JPH1: variants seen among roughly 807,000 people sequenced by gnomAD.
JPH1 encodes junctophilin-1.
JPH1 carries 12 observed loss-of-function variants against 53.6 expected under a neutral mutation model. That is an observed-to-expected ratio of 0.22 (90% CI 0.14 to 0.36). The LOEUF is 0.36. JPH1 is among the 10% of genes least tolerant of loss of function. JPH1 has a pLI of 1.00. For missense variants in JPH1, 808 were observed against 905.5 expected (o/e 0.89, Z 1.38); for synonymous variants, 375 against 363.8 (o/e 1.03, Z -0.35).
At chr8:74,300,977 A>G (rs1807665287) in intron 2 of JPH1, among the ~76,000 whole-genome samples, 1 of 152,066 alleles carries the variant, frequency 6.6e-6, no homozygotes, top group Non-Finnish European at 1.5e-5. Context: ...GGAATGAATC[A>G]CTACATTTTC....
Position 74,292,768 on chromosome 8 carries a change from G to C in JPH1, c.1139+22093C>G, listed in dbSNP as rs138990921. Among the ~76,000 whole-genome samples, 17 of 152,236 alleles carry C rather than the reference G, an allele frequency of 1.1e-4. No individual in the cohort carries two copies. In the East Asian group the frequency reaches 3.3e-3, roughly 29 times the overall value. ...GAACAGGTTGATCAAAGCCATATGAGGTAGCAACACAGAAATGTAGATGTG... is the reference window on the plus strand; with the variant it reads ...GAACAGGTTGATCAAAGCCATATGACGTAGCAACACAGAAATGTAGATGTG... On this transcript the variant is annotated intron_variant, in intron 2 of 5. Coordinates refer to ENST00000342232, the MANE Select transcript of JPH1 (RefSeq NM_020647.4).
At chr8:74,310,066 G>A (rs2131458477) in intron 2 of JPH1, among the ~76,000 whole-genome samples, 1 of 152,216 alleles carries the variant, frequency 6.6e-6, no homozygotes, top group African/African-American at 2.4e-5. Context: ...GGTACACACT[G>A]ACAAAGGAAA....
At chr8:74,253,996 C>T (rs1806144791) in intron 3 of JPH1, among the ~76,000 whole-genome samples, 1 of 152,084 alleles carries the variant, frequency 6.6e-6, no homozygotes, top group Admixed American at 6.5e-5. Context: ...CCTTCTGAAA[C>T]CATTCCAATC....
chr8:74,293,022 A>C (rs976129683), intron 2 of JPH1, among the ~76,000 whole-genome samples: 6 of 152,188 alleles, frequency 3.9e-5, no homozygotes, highest in African/African-American at 1.2e-4. Flanking sequence ...TGGGAACGTC[A>C]AACAGAGGTG....
chr8:74,266,853 G>C (rs1025667815), intron 2 of JPH1, among the ~76,000 whole-genome samples: 5 of 152,180 alleles, frequency 3.3e-5, no homozygotes, highest in African/African-American at 1.2e-4. Flanking sequence ...GAATCTAATA[G>C]AGGAAACAGC....
At chr8:74,298,116 C>T (rs901023322) in intron 2 of JPH1, among the ~76,000 whole-genome samples, 11 of 152,164 alleles carry the variant, frequency 7.2e-5, no homozygotes, top group Non-Finnish European at 1.2e-4. Context: ...TTCATATCCT[C>T]GGGAAGCTGC....
In JPH1 at chr8:74,244,833, C is replaced by CA; in HGVS notation, c.1600_1601insT (p.Gly534ValfsTer10). 1 of 1,614,114 alleles carries CA rather than the reference C, an allele frequency of 6.2e-7. No homozygotes were observed. The highest frequency in any genetic ancestry group is 2.2e-5 in the East Asian group (1 of 44,886). On this transcript the variant is annotated frameshift_variant, in exon 4 of 6. Transcript: ENST00000342232. LOFTEE classifies it high-confidence loss of function. ...ACTGGGGTTGGGGATGTGGTGGCGG[C>CA]CAGAGTACTTGGACTGGGGCACAAC...
At chr8:74,267,001 C>T (rs183747989) in intron 2 of JPH1, among the ~76,000 whole-genome samples, 10 of 152,172 alleles carry the variant, frequency 6.6e-5, no homozygotes, top group East Asian at 3.9e-4. Flanking sequence ...CAAATATTAG[C>T]GGATGAATAA....
At chr8:74,251,669 C>T (rs1563396191) in intron 3 of JPH1, among the ~76,000 whole-genome samples, 1 of 151,932 alleles carries the variant, frequency 6.6e-6, no homozygotes, top group Non-Finnish European at 1.5e-5. Flanking sequence ...TACTAGCAAC[C>T]TTTTTTTCTA....
intron 3 of JPH1, among the ~76,000 whole-genome samples, chr8:74,255,742 G>C (rs1409906581): frequency 6.6e-6 from 1 of 152,150 alleles, no homozygotes; most frequent in African/African-American, 2.4e-5. Context: ...GATATGAACA[G>C]ACACTTCTCA....
chr8:74,296,614 T>G (rs530640764), intron 2 of JPH1, among the ~76,000 whole-genome samples: 70 of 152,330 alleles, frequency 4.6e-4, no homozygotes, highest in African/African-American at 1.6e-3. Context: ...AATCCAGTTA[T>G]GCAAAGCCTA....
chr8:74,288,322 G>A (rs1314854793), intron 2 of JPH1, among the ~76,000 whole-genome samples: 1 of 152,130 alleles, frequency 6.6e-6, no homozygotes, highest in African/African-American at 2.4e-5. Context: ...CTTGCAATTG[G>A]CTGTGTACTT....
intron 3 of JPH1, among the ~76,000 whole-genome samples, chr8:74,247,618 G>T (rs1360145890): frequency 6.6e-6 from 1 of 152,102 alleles, no homozygotes; most frequent in Admixed American, 6.6e-5. Flanking sequence ...TCTCAAAGTT[G>T]GAGGGAAAAG....
intron 2 of JPH1, among the ~76,000 whole-genome samples, chr8:74,304,827 G>A (rs1176592279): frequency 1.3e-5 from 2 of 152,200 alleles, no homozygotes; most frequent in Non-Finnish European, 2.9e-5. Context: ...GTGAATTAAT[G>A]TATTTTACTT....
intron 2 of JPH1, among the ~76,000 whole-genome samples, chr8:74,308,894 G>A (rs1807910461): frequency 6.6e-6 from 1 of 152,184 alleles, no homozygotes; most frequent in Non-Finnish European, 1.5e-5. Context: ...TGAGTATGGG[G>A]GAGGAGGGGA....
At chr8:74,296,387 C>G (rs1419820181) in intron 2 of JPH1, among the ~76,000 whole-genome samples, 1 of 152,096 alleles carries the variant, frequency 6.6e-6, no homozygotes, top group East Asian at 1.9e-4. Flanking sequence ...AAAAATGATC[C>G]TAACTTGCTT....
Position 74,237,259 on chromosome 8 carries a change from G to A in JPH1, c.1950C>T (p.Ile650=), listed in dbSNP as rs777953408. ...IMIVLVMLLN[I]GLAILFVHFL... ...AGTGAACAAAAAGAATGGCCAACCC[G>A]ATATTCAACAGCATGACAAGGACAA... The change falls in exon 5 of 6, where the codon ATC becomes ATT. Residue 650 remains isoleucine, a synonymous_variant. Coordinates refer to ENST00000342232, the MANE Select transcript of JPH1 (RefSeq NM_020647.4). The A allele has an allele frequency of 1.9e-6, 3 of 1,613,290 alleles. No homozygotes were observed. The highest frequency in any genetic ancestry group is 1.1e-5 in the South Asian group (1 of 90,894).
At chr8:74,282,779 T>C (rs191312379) in intron 2 of JPH1, among the ~76,000 whole-genome samples, 21 of 152,330 alleles carry the variant, frequency 1.4e-4, no homozygotes, top group East Asian at 7.7e-4. Context: ...CAATTCATTA[T>C]GCATTTTCGA....
chr8:74,320,832 C>G lies in JPH1; in HGVS notation c.379+77G>C. On this transcript the variant is annotated intron_variant, in intron 1 of 5. Coordinates refer to ENST00000342232, the MANE Select transcript of JPH1 (RefSeq NM_020647.4). The surrounding 1 kb of genome is among the most constrained non-coding windows in gnomAD (Gnocchi z 4.4). ...TCCGGACACGTGCGCCCGGCGTCCT[C>G]CCCGCTTCCCCGCAGCCGGGGCAGA... 6 of 1,410,034 alleles carry G rather than the reference C, an allele frequency of 4.3e-6. No homozygotes were observed. The highest frequency in any genetic ancestry group is 4.6e-6 in the Non-Finnish European group (5 of 1,081,704). 87.3% of individuals were successfully genotyped at this position (1,410,034 alleles called of 1,614,324 possible).
Sources: allele counts gnomAD v4.1 joint callset (sites outside exome capture counted in the v4.1 genomes callset), GRCh38; gene constraint gnomAD v4.1.1; non-coding constraint Gnocchi (gnomAD v3.1); transcripts MANE v1.5; gene names NCBI Gene and HGNC (gene_info 2026-07-23, HGNC 2026-07-21).